Variants in SPEF2 observed in about 807,000 individuals in gnomAD.
SPEF2 encodes the protein sperm flagella and cilia-associated protein 2.
Under a neutral mutation model 224.6 loss-of-function variants are expected in SPEF2, and 187 were observed. The ratio of observed to expected loss-of-function variants is 0.83; its 90% confidence interval spans 0.74 to 0.94. SPEF2 has a LOEUF of 0.94. Among genes scored for constraint, SPEF2 ranks in the 40% least tolerant of loss-of-function variants. SPEF2 has a pLI of 0.00. For missense variants in SPEF2, 2,170 were observed against 2,135.6 expected (o/e 1.02, Z -0.32); for synonymous variants, 715 against 707.3 (o/e 1.01, Z -0.17).
intron 10 of SPEF2, among the ~76,000 whole-genome samples, chr5:35,681,010 C>G (rs1040560359): frequency 5.3e-5 from 8 of 152,128 alleles, no homozygotes; most frequent in African/African-American, 1.9e-4. Flanking sequence ...ATCGGCTTGT[C>G]CCTGGTTAAG....
At chr5:35,742,525 C>T (rs758399137) in intron 23 of SPEF2, among the ~76,000 whole-genome samples, 1 of 151,708 alleles carries the variant, frequency 6.6e-6, no homozygotes, top group African/African-American at 2.4e-5. Context: ...AGATTTATAT[C>T]AAATATTAGA....
At chr5:35,723,692 G>GACA (rs1470535722) in intron 20 of SPEF2, among the ~76,000 whole-genome samples, 1 of 152,200 alleles carries the variant, frequency 6.6e-6, no homozygotes, top group East Asian at 1.9e-4. Flanking sequence ...AAGACACAAT[G>GACA]CTTATTGTGA....
chr5:35,649,319 G>C (rs367758193), intron 5 of SPEF2, 42 bp from the exon 6 acceptor site: 7 of 1,510,434 alleles, frequency 4.6e-6, no homozygotes, highest in Non-Finnish European at 6.3e-6. Context: ...ATTTTTCAAT[G>C]GTTTTTAGAG....
chr5:35,669,234 A>G (rs765863366), intron 9 of SPEF2, among the ~76,000 whole-genome samples: 6 of 152,064 alleles, frequency 3.9e-5, no homozygotes, highest in African/African-American at 7.2e-5. Context: ...ATGTTGTAGC[A>G]TGAATCAGAA....
chr5:35,654,076 C>A (rs1463654048), intron 6 of SPEF2, among the ~76,000 whole-genome samples: 1 of 150,664 alleles, frequency 6.6e-6, no homozygotes, highest in Admixed American at 6.6e-5. Flanking sequence ...GCCTGCCCAA[C>A]ATGGTGAAAC....
intron 1 of SPEF2, among the ~76,000 whole-genome samples, chr5:35,622,139 G>A (rs1020538588): frequency 2.6e-5 from 4 of 152,218 alleles, no homozygotes; most frequent in African/African-American, 9.6e-5. Flanking sequence ...TATGCTCCTT[G>A]TTAATTGGGT....
intron 21 of SPEF2, 42 bp from the exon 22 acceptor site, chr5:35,739,877 T>G (rs1469448135): frequency 6.2e-7 from 1 of 1,604,820 alleles, no homozygotes; most frequent in Non-Finnish European, 8.5e-7. Flanking sequence ...CAGAAGAACT[T>G]TCATTTTGAA....
intron 18 of SPEF2, 68 bp from the exon 19 acceptor site, chr5:35,708,880 T>C (rs1458008933): frequency 7.3e-7 from 1 of 1,368,826 alleles, no homozygotes; most frequent in African/African-American, 1.5e-5. Flanking sequence ...TAGATTTCTC[T>C]TAGTTCAAGT....
chr5:35,768,616 T>C (rs1257414761), intron 26 of SPEF2, among the ~76,000 whole-genome samples: 2 of 150,912 alleles, frequency 1.3e-5, no homozygotes, highest in African/African-American at 2.5e-5. Context: ...ATATTTTAAC[T>C]TATCTCTACG....
At chr5:35,762,393 T>A (rs1018136072) in intron 25 of SPEF2, among the ~76,000 whole-genome samples, 4 of 152,210 alleles carry the variant, frequency 2.6e-5, no homozygotes, top group Non-Finnish European at 2.9e-5. Context: ...ATTGAACACA[T>A]GAATCACAGT....
chr5:35,795,619 G>A (rs907136151), intron 32 of SPEF2, 84 bp from the exon 33 acceptor site: 3 of 1,187,276 alleles, frequency 2.5e-6, no homozygotes, highest in Non-Finnish European at 3.6e-6. Context: ...CTAGAGACAA[G>A]ATTGGCTCAG....
chr5:35,771,748 A>C lies in SPEF2; in HGVS notation c.3941A>C (p.Lys1314Thr). The C allele has an allele frequency of 6.3e-7, 1 of 1,588,386 alleles. No homozygotes were observed. The highest frequency in any genetic ancestry group is 8.5e-7 in the Non-Finnish European group (1 of 1,173,704). ...CCCAAGAAAAAACAGGAAGACAAAAAACCCAAAGGTATTTATGGTTTTAGC... is the reference window on the plus strand; with the variant it reads ...CCCAAGAAAAAACAGGAAGACAAAACACCCAAAGGTATTTATGGTTTTAGC... ...EPPKKKQEDK[K>T]PKGKSPPMAE... is the part of the protein sequence containing the mutation. The change falls in exon 27 of 37, where the codon AAA becomes ACA. Residue 1314 changes from lysine (K) to threonine (T), a missense_variant. By Grantham distance (78) the Lys-to-Thr change is moderately conservative. Transcript: ENST00000356031.
At chr5:35,675,951 G>A (rs898435811) in intron 10 of SPEF2, 3 of 456,168 alleles carry the variant, frequency 6.6e-6, no homozygotes, top group African/African-American at 6.0e-5. Context: ...CTTGGGTCAT[G>A]TGAAGGGTAT....
At chr5:35,640,912 C>G (rs745811745) in intron 2 of SPEF2, among the ~76,000 whole-genome samples, 1 of 152,096 alleles carries the variant, frequency 6.6e-6, no homozygotes, top group East Asian at 1.9e-4. Context: ...AGCGCCACAT[C>G]TTTTTGGAAG....
intron 10 of SPEF2, chr5:35,671,587 C>A (rs1299346683): frequency 1.1e-6 from 1 of 891,290 alleles, no homozygotes; most frequent in African/African-American, 1.8e-5. Flanking sequence ...TTTACTGGTT[C>A]ATCGAATGTT....
chr5:35,707,608 A>G (rs989081362), intron 18 of SPEF2, among the ~76,000 whole-genome samples: 10 of 152,144 alleles, frequency 6.6e-5, no homozygotes, highest in Non-Finnish European at 1.5e-4. Flanking sequence ...GGGCCTCTGC[A>G]GTGTGAAGGG....
chr5:35,757,177 A>G (rs1750587211), intron 24 of SPEF2, among the ~76,000 whole-genome samples: 1 of 147,768 alleles, frequency 6.8e-6, no homozygotes, highest in African/African-American at 2.4e-5. Context: ...TAAATGTAAC[A>G]TGAATTTTGA....
intron 34 of SPEF2, among the ~76,000 whole-genome samples, chr5:35,806,225 C>T (rs556951225): frequency 1.3e-5 from 2 of 152,144 alleles, no homozygotes; most frequent in African/African-American, 4.8e-5. Context: ...ATTTTGTACA[C>T]TGGATTTGTT....
intron 30 of SPEF2, among the ~76,000 whole-genome samples, chr5:35,783,115 C>T (rs1332323297): frequency 6.6e-6 from 1 of 152,138 alleles, no homozygotes; most frequent in African/African-American, 2.4e-5. Flanking sequence ...TTCCTATGAG[C>T]GTACTACCGG....
Sources: allele counts gnomAD v4.1 joint callset (sites outside exome capture counted in the v4.1 genomes callset), GRCh38; gene constraint gnomAD v4.1.1; transcripts MANE v1.5; gene names NCBI Gene and HGNC (gene_info 2026-07-23, HGNC 2026-07-21).